SMOC2: variants seen among roughly 807,000 people sequenced by gnomAD.
SMOC2 encodes the protein SPARC related modular calcium binding 2, also known as SPARC-related modular calcium-binding protein 2.
In SMOC2, 39 loss-of-function variants were observed where a neutral mutation model predicts 61.4. The observed-to-expected ratio is 0.64, with a 90% CI of 0.49 to 0.83. The LOEUF is 0.83. Among genes scored for constraint, SMOC2 ranks in the 40% least tolerant of loss-of-function variants. The pLI, the probability that SMOC2 is intolerant of heterozygous loss-of-function variation, is 0.00. For synonymous variants in SMOC2, 247 were observed against 239.9 expected (o/e 1.03, Z -0.27); for missense variants, 556 against 592.9 (o/e 0.94, Z 0.65).
intron 7 of SMOC2, among the ~76,000 whole-genome samples, chr6:168,595,345 T>C (rs111859091): frequency 0.011 from 1,598 of 152,082 alleles, 30 homozygotes; most frequent in African/African-American, 0.036. Flanking sequence ...TCTCCCGTGC[T>C]GTGGTGACAC....
chr6:168,625,813 G>A (rs1177608075), intron 9 of SMOC2, among the ~76,000 whole-genome samples: 4 of 152,316 alleles, frequency 2.6e-5, no homozygotes, highest in Admixed American at 6.5e-5. Flanking sequence ...CAGCTCCACC[G>A]CTGAGCCAGG....
chr6:168,623,329 ATT>A (rs11284179), intron 9 of SMOC2, among the ~76,000 whole-genome samples: 28 of 129,058 alleles, frequency 2.2e-4, no homozygotes, highest in Admixed American at 1.1e-3. Context: ...TGGATAATTA[ATT>A]TTTTTTTTTT....
Position 168,557,708 on chromosome 6 carries a change from T to C in SMOC2, c.637+8505T>C, listed in dbSNP as rs139122501. ...GTTGCTCATGGGTCTGATGTTGACG[T>C]CACTAGTTGCTCATGGGTCTGATGT... On this transcript the variant is annotated intron_variant, in intron 7 of 12. Coordinates refer to ENST00000356284, the MANE Select transcript of SMOC2 (RefSeq NM_001166412.2). Among the ~76,000 whole-genome samples, 172 of 152,276 alleles carry C rather than the reference T, an allele frequency of 1.1e-3. 1 individual carries two copies. Among genetic ancestry groups the C allele is most frequent in the African/African-American group, 3.9e-3 (160 of 41,550 alleles).
At chr6:168,617,558 G>A (rs1338606780) in intron 9 of SMOC2, among the ~76,000 whole-genome samples, 5 of 152,152 alleles carry the variant, frequency 3.3e-5, no homozygotes, top group South Asian at 2.1e-4. Context: ...CTCTTGTCCC[G>A]CACTCACATC....
At chr6:168,459,682 T>G (rs1364900596) in intron 1 of SMOC2, among the ~76,000 whole-genome samples, 1 of 29,498 alleles carries the variant, frequency 3.4e-5, no homozygotes, top group Non-Finnish European at 6.6e-5. Context: ...GGGTGAGCCC[T>G]GGGGTGGGTG....
rs181260795 is a variant in SMOC2 at position 168,504,088 on chromosome 6, A to G, written c.85-5827A>G. ...GTGGCATCCTTTCCGATTTCTTCCT[A>G]CTGCTGGCCTTGACACATCCACGTC... On this transcript the variant is annotated intron_variant, in intron 1 of 12. Transcript: ENST00000356284. Among the ~76,000 whole-genome samples the G allele has an allele frequency of 3.6e-4, 54 of 151,990 alleles. No individual in the cohort carries two copies. The East Asian group carries it at 6.0e-3, about 17-fold the overall frequency.
In SMOC2 at chr6:168,547,179, G is replaced by A. The variant is rs1280452917; in HGVS notation, c.562+10G>A. The A allele has an allele frequency of 8.7e-6, 14 of 1,613,634 alleles. No homozygotes were observed. Among genetic ancestry groups the A allele is most frequent in the African/African-American group, 2.7e-5 (2 of 74,900 alleles). ...CAAGGAGATGAAGAAGGTGAGCCGG[G>A]GTGGGGATTGCACAGTCTGGGTTGG... On this transcript the variant is annotated intron_variant, in intron 6 of 12. Transcript: ENST00000356284.
intron 1 of SMOC2, among the ~76,000 whole-genome samples, chr6:168,494,934 G>C (rs990433842): frequency 6.6e-6 from 1 of 152,214 alleles, no homozygotes; most frequent in Non-Finnish European, 1.5e-5. Flanking sequence ...CTGGGGAATA[G>C]GGAACCTCCC....
chr6:168,448,185 C>T (rs1190616192), intron 1 of SMOC2, among the ~76,000 whole-genome samples: 2 of 152,132 alleles, frequency 1.3e-5, no homozygotes, highest in Admixed American at 1.3e-4. Context: ...AAAATCCTCC[C>T]ACAGAAGAGA....
At chr6:168,659,875 T>C (rs1007203979) in intron 11 of SMOC2, among the ~76,000 whole-genome samples, 5 of 152,186 alleles carry the variant, frequency 3.3e-5, no homozygotes, top group African/African-American at 1.2e-4. Context: ...AGGATGGAGA[T>C]TGTTGGCTGG....
intron 1 of SMOC2, among the ~76,000 whole-genome samples, chr6:168,441,820 G>GTC (rs1436266468): frequency 3.9e-5 from 6 of 152,162 alleles, no homozygotes; most frequent in Non-Finnish European, 8.8e-5. Context: ...GCGCTCGGGT[G>GTC]TCCCGCACTC....
Position 168,650,719 on chromosome 6 carries a change from G to A in SMOC2, c.946G>A (p.Val316Ile), listed in dbSNP as rs756940691. 8.8e-5 allele frequency: 142 copies of A among 1,613,616 alleles called. No individual in the cohort carries two copies. Among genetic ancestry groups the A allele is most frequent in the Non-Finnish European group, 1.1e-4 (126 of 1,179,978 alleles). Residue 316 changes from valine to isoleucine, a missense_variant, in exon 10 of 13, where the codon GTT becomes ATT. By Grantham distance (29) the Val-to-Ile change is conservative (BLOSUM62 3). Transcript: ENST00000356284. ...CAAAAAGCATGAGTTTCTGACCAGCGTTCTGGACGCGCTGTCCACGGACAT... is the reference window on the plus strand; with the variant it reads ...CAAAAAGCATGAGTTTCTGACCAGCATTCTGGACGCGCTGTCCACGGACAT... ...GAKKHEFLTSVLDALSTDMVH... is the reference protein window; with the variant it reads ...GAKKHEFLTSILDALSTDMVH...
chr6:168,606,536 A>G (rs932774479), intron 8 of SMOC2, among the ~76,000 whole-genome samples: 36 of 152,138 alleles, frequency 2.4e-4, no homozygotes, highest in Non-Finnish European at 4.4e-4. Flanking sequence ...CCTCTGTTAG[A>G]ACACTTTAAA....
At chr6:168,657,044 GA>G (rs1787341257) in intron 11 of SMOC2, among the ~76,000 whole-genome samples, 1 of 152,122 alleles carries the variant, frequency 6.6e-6, no homozygotes, top group East Asian at 1.9e-4. Context: ...CCTCTAATAA[GA>G]CAAAAAAGAA....
intron 9 of SMOC2, among the ~76,000 whole-genome samples, chr6:168,615,256 G>A (rs1213433654): frequency 1.6e-4 from 11 of 67,908 alleles, no homozygotes; most frequent in African/African-American, 3.2e-4. Context: ...CAGCCAGCAC[G>A]GGGCCTTTTC....
At chr6:168,562,028 A>G (rs1278356565) in intron 7 of SMOC2, among the ~76,000 whole-genome samples, 2 of 15,660 alleles carry the variant, frequency 1.3e-4, no homozygotes, top group East Asian at 2.5e-3. Flanking sequence ...CTCTCACTGC[A>G]TTCTTGGAGG....
Position 168,543,517 on chromosome 6 carries a change from C to T in SMOC2, c.464-108C>T, listed in dbSNP as rs539951355. The T allele has an allele frequency of 1.8e-5, 17 of 943,052 alleles. No individual in the cohort carries two copies. The East Asian group carries it at 4.2e-4, about 23-fold the overall frequency. 58.4% of individuals were successfully genotyped at this position (943,052 alleles called of 1,614,324 possible). On this transcript the variant is annotated intron_variant, in intron 4 of 12. Transcript: ENST00000356284. ...AGAATTTAAGTAGAACATGCCGAAG[C>T]ACGGCAAATTAGTCAAAATGGAGCA...
At chr6:168,446,168 G>C (rs1198492328) in intron 1 of SMOC2, among the ~76,000 whole-genome samples, 2 of 152,246 alleles carry the variant, frequency 1.3e-5, no homozygotes, top group Non-Finnish European at 2.9e-5. Flanking sequence ...TTCAAGACCA[G>C]CCTGACCAAC....
intron 2 of SMOC2, among the ~76,000 whole-genome samples, chr6:168,515,090 C>T (rs1459442548): frequency 1.3e-5 from 2 of 152,182 alleles, no homozygotes; most frequent in Non-Finnish European, 2.9e-5. Context: ...TTTGTACCTG[C>T]ATCTAAGCTA....
Sources: allele counts gnomAD v4.1 joint callset (sites outside exome capture counted in the v4.1 genomes callset), GRCh38; gene constraint gnomAD v4.1.1; transcripts MANE v1.5; gene names NCBI Gene and HGNC (gene_info 2026-07-23, HGNC 2026-07-21).